Variants in ARAP1 observed in about 807,000 individuals in gnomAD.
ARAP1 encodes the protein ArfGAP with RhoGAP domain, ankyrin repeat and PH domain 1.
A neutral mutation model predicts 172.2 loss-of-function variants in ARAP1; 76 were observed. That is an observed-to-expected ratio of 0.44 (90% CI 0.37 to 0.53). The LOEUF is 0.53. ARAP1 is among the 20% of genes least tolerant of loss of function. The pLI, the probability that ARAP1 is intolerant of heterozygous loss-of-function variation, is 0.00. For missense variants in ARAP1, 1,686 were observed against 1,977.5 expected, an observed-to-expected ratio of 0.85 and a Z score of 2.80; for synonymous variants, 804 against 803.3, an observed-to-expected ratio of 1.00 and a Z score of -0.01.
Position 72,685,660 on chromosome 11 carries a change from G to A in ARAP1, c.*4C>T. The A allele has an allele frequency of 1.2e-6, 2 of 1,614,128 alleles. No individual in the cohort carries two copies. Among genetic ancestry groups the A allele is most frequent in the Non-Finnish European group, 1.7e-6 (2 of 1,179,958 alleles). ...ATCCTAGAGCCAAGGATGGGCTCCTGTGCTCAGACGTTGCGCAGAAGCTGC... is the reference window on the plus strand; with the variant it reads ...ATCCTAGAGCCAAGGATGGGCTCCTATGCTCAGACGTTGCGCAGAAGCTGC... On this transcript the variant is annotated 3_prime_UTR_variant, in exon 35 of 35. Transcript: ENST00000393609.
intron 32 of ARAP1, 49 bp downstream of exon 32, chr11:72,687,639 G>C (rs1177305441): frequency 6.2e-7 from 1 of 1,613,586 alleles, no homozygotes. Context: ...AGGGGGACGT[G>C]CCACCATCTT....
intron 14 of ARAP1, 119 bp from the exon 15 acceptor site, chr11:72,703,198 C>G: frequency 9.9e-7 from 1 of 1,011,252 alleles, no homozygotes. Flanking sequence ...GCAGTCCATC[C>G]TCAGACTGAA....
Position 72,714,299 on chromosome 11 carries a change from A to C in ARAP1, c.532T>G (p.Ser178Ala). 1 of 1,544,484 alleles carries C rather than the reference A, an allele frequency of 6.5e-7. No homozygotes were observed. Among genetic ancestry groups the C allele is most frequent in the East Asian group, 2.5e-5 (1 of 40,012 alleles). Reference sequence around the variant, plus strand: ...GGGGATGATAATGATGGCAGCAATGACTCCTCCTCCTTAGTGGGCAGGCTG... The same window carrying C: ...GGGGATGATAATGATGGCAGCAATGCCTCCTCCTCCTTAGTGGGCAGGCTG... The part of the protein sequence containing the change: ...LVSLPTKEEE[S>A]LLPSLSSPPQ... The change falls in exon 4 of 35, where the codon TCA (serine) becomes GCA (alanine). Residue 178 changes from serine (S) to alanine (A), a missense_variant. Around this residue, in one of 5 missense-constraint regions of ARAP1, gnomAD observed 155 missense variants for 129.2 expected, o/e 1.20. Transcript: ENST00000393609.
intron 31 of ARAP1, 68 bp downstream of exon 31, chr11:72,688,387 G>T (rs1452623242): frequency 4.2e-6 from 6 of 1,433,850 alleles, no homozygotes; most frequent in Non-Finnish European, 5.8e-6. Flanking sequence ...CCCCAGCTGT[G>T]CCTCCCCCAT....
Position 72,710,558 on chromosome 11 carries a change from G to T in ARAP1, c.1243C>A (p.Gln415Lys), listed in dbSNP as rs138535181. The T allele has an allele frequency of 6.2e-6, 10 of 1,609,902 alleles. No individual in the cohort carries two copies. In the African/African-American group the frequency reaches 1.1e-4, roughly 17 times the overall value. ...GCACGCTGCTCAGCCATGGCCTGCT[G>T]CAGGGCCTGCATCCACTCCTTCCGC... ...VERKEWMQAL[Q>K]QAMAEQRARA... The change falls in exon 10 of 35, where the codon CAG (glutamine) becomes AAG (lysine). Residue 415 changes from glutamine to lysine, a missense_variant. Around this residue, in one of 5 missense-constraint regions of ARAP1, gnomAD observed 688 missense variants for 856.9 expected, o/e 0.80. Coordinates refer to ENST00000393609, the MANE Select transcript of ARAP1 (RefSeq NM_001040118.3). This position sits in a 1 kb window ranked among gnomAD's most constrained non-coding sequence, Gnocchi z 4.3.
chr11:72,685,744 G>A lies in ARAP1; in HGVS notation c.4336-63C>T, dbSNP rs191460924. On this transcript the variant is annotated intron_variant, in intron 34 of 34. Transcript: ENST00000393609. ...GGCCCAGAGGGGCTGGCGCCCCGCTGAAGCTGCTGCAGCTGCTGCAGCCAC... is the reference window on the plus strand; with the variant it reads ...GGCCCAGAGGGGCTGGCGCCCCGCTAAAGCTGCTGCAGCTGCTGCAGCCAC... The A allele has an allele frequency of 2.7e-4, 433 of 1,605,334 alleles. 1 individual carries two copies. In the African/African-American group the frequency reaches 5.0e-3, roughly 18 times the overall value.
intron 33 of ARAP1, among the ~76,000 whole-genome samples, chr11:72,686,995 C>T (rs545425711): frequency 6.6e-6 from 1 of 152,354 alleles, no homozygotes; most frequent in East Asian, 1.9e-4. Context: ...TCACATTCCA[C>T]TGTAACAATC....
At chr11:72,707,711 AT>A in intron 11 of ARAP1, among the ~76,000 whole-genome samples, 1 of 152,266 alleles carries the variant, frequency 6.6e-6, no homozygotes, top group Non-Finnish European at 1.5e-5. Flanking sequence ...AGGGAACAGC[AT>A]GTGCAAAGGG....
intron 3 of ARAP1, among the ~76,000 whole-genome samples, chr11:72,717,127 A>G (rs76550717): frequency 0.14 from 21,849 of 152,118 alleles, 1,702 homozygotes; most frequent in South Asian, 0.19. Context: ...ATGACCAAGC[A>G]ACTGAGGGAG....
chr11:72,721,730 AG>A, intron 3 of ARAP1: 1 of 863,240 alleles, frequency 1.2e-6, no homozygotes, highest in Non-Finnish European at 1.4e-6. Context: ...AAAAAAGAGA[AG>A]GGGGAGGAGA....
At chr11:72,733,217 G>A (rs1269016709) in intron 1 of ARAP1, among the ~76,000 whole-genome samples, 1 of 152,170 alleles carries the variant, frequency 6.6e-6, no homozygotes, top group Non-Finnish European at 1.5e-5. Flanking sequence ...GGCCCTGCAA[G>A]ACCAGTGCTG....
chr11:72,728,236 G>A (rs928631285), intron 2 of ARAP1, among the ~76,000 whole-genome samples: 3 of 152,134 alleles, frequency 2.0e-5, no homozygotes, highest in Non-Finnish European at 4.4e-5. Context: ...GCCCAAGAAG[G>A]TCAACTGAGA....
chr11:72,710,063 A>C lies in ARAP1; in HGVS notation c.1417-87T>G. Reference sequence around the variant, plus strand: ...CAGGGAGAGGAAGGGAAGGTGGTGCAACTCAGGGACTGGGGGGGGTGCCCA... The same window carrying C: ...CAGGGAGAGGAAGGGAAGGTGGTGCCACTCAGGGACTGGGGGGGGTGCCCA... On this transcript the variant is annotated intron_variant, in intron 10 of 34. Coordinates refer to ENST00000393609, the MANE Select transcript of ARAP1 (RefSeq NM_001040118.3). The surrounding 1 kb of genome is among the most constrained non-coding windows in gnomAD (Gnocchi z 4.3). 8.0e-7 allele frequency: 1 copy of C among 1,244,598 alleles called. No homozygotes were observed. Among genetic ancestry groups the C allele is most frequent in the Non-Finnish European group, 1.2e-6 (1 of 849,790 alleles). 77.1% of individuals were successfully genotyped at this position (1,244,598 alleles called of 1,614,324 possible). A position where few individuals can be genotyped will look rare whatever the true frequency, so the allele number is the denominator to read the frequency against.
At chr11:72,731,893 C>T (rs1857878885) in intron 2 of ARAP1, among the ~76,000 whole-genome samples, 1 of 152,034 alleles carries the variant, frequency 6.6e-6, no homozygotes, top group Admixed American at 6.5e-5. Context: ...TTGAGACCAG[C>T]AGATTCTAAA....
At chr11:72,714,850 G>A (rs1408659860) in intron 3 of ARAP1, among the ~76,000 whole-genome samples, 1 of 152,002 alleles carries the variant, frequency 6.6e-6, no homozygotes, top group African/African-American at 2.4e-5. Flanking sequence ...CTACCTCCTG[G>A]TGCCCTCAGA....
chr11:72,692,044 T>C (rs1223564490), intron 30 of ARAP1, among the ~76,000 whole-genome samples: 4 of 152,272 alleles, frequency 2.6e-5, no homozygotes, highest in Non-Finnish European at 2.9e-5. Context: ...GATGTTCACC[T>C]CCTGTTGCAC....
In ARAP1 at chr11:72,710,002, G is replaced by C; in HGVS notation, c.1417-26C>G. 6.3e-7 allele frequency: 1 copy of C among 1,599,444 alleles called. No individual in the cohort carries two copies. Reference sequence around the variant, plus strand: ...CTGGAGGGCAGATGGGACGGGATGAGGGCAAGGCTTTGGGGGCAGGGCGTG... The same window carrying C: ...CTGGAGGGCAGATGGGACGGGATGACGGCAAGGCTTTGGGGGCAGGGCGTG... On this transcript the variant is annotated intron_variant, in intron 10 of 34. Coordinates refer to ENST00000393609, the MANE Select transcript of ARAP1 (RefSeq NM_001040118.3). The surrounding 1 kb of genome is among the most constrained non-coding windows in gnomAD (Gnocchi z 4.3).
chr11:72,751,400 C>T (rs1251141572), intron 1 of ARAP1, among the ~76,000 whole-genome samples: 1 of 152,184 alleles, frequency 6.6e-6, no homozygotes, highest in Non-Finnish European at 1.5e-5. Context: ...CATCCCCTCC[C>T]CTGGGGCCTG....
At chr11:72,691,012 G>A (rs545368732) in intron 30 of ARAP1, among the ~76,000 whole-genome samples, 2 of 152,364 alleles carry the variant, frequency 1.3e-5, no homozygotes, top group South Asian at 4.1e-4. Flanking sequence ...CAGAGGTGTT[G>A]GCTGTCTCTG....
Sources: gnomAD v4.1 joint callset for allele counts (sites outside exome capture counted in the v4.1 genomes callset) on GRCh38, gnomAD v4.1.1 for gene constraint, gnomAD v4.1.1 regional missense constraint, Gnocchi (gnomAD v3.1) non-coding constraint, MANE v1.5 for transcripts, NCBI Gene and HGNC (gene_info 2026-07-23, HGNC 2026-07-21) for gene names.